The following CHCHD7 variants were observed in gnomAD, a reference collection of about 807,000 sequenced individuals.
CHCHD7 encodes the protein coiled-coil-helix-coiled-coil-helix domain containing 7, also known as coiled-coil-helix-coiled-coil-helix domain-containing protein 7.
Under a neutral mutation model 10.5 loss-of-function variants are expected in CHCHD7, and 7 were observed. The observed-to-expected ratio is 0.67, with a 90% CI of 0.38 to 1.25. The LOEUF is 1.25. CHCHD7 is among the 50% of genes most tolerant of loss of function. The pLI is 0.02. For synonymous variants in CHCHD7, 40 were observed against 36.0 expected, an observed-to-expected ratio of 1.11 and a Z score of -0.40; for missense variants, 100 against 104.5, an observed-to-expected ratio of 0.96 and a Z score of 0.19.
At chr8:56,212,189 G>A (rs1411196114) in intron 1 of CHCHD7, 2 of 152,942 alleles carry the variant, frequency 1.3e-5, no homozygotes, top group Non-Finnish European at 2.9e-5. Context: ...GTTCACCTGT[G>A]CGCGCCGTCC....
rs534039869 is a variant in CHCHD7, at chr8:56,218,519, ACTGT to A, written c.*1092_*1095del. On this transcript the variant is annotated 3_prime_UTR_variant, in exon 4 of 4. Transcript: ENST00000355315. The stretch of plus-strand genomic sequence containing the variant: ...TTGTTTTAATGGCTGCCGACAATGA[ACTGT>A]CTGTCTGAGTCTAAAACCAAGCTCA... The A allele has an allele frequency of 1.2e-3, 267 of 213,720 alleles. 2 individuals are homozygous for A. Among genetic ancestry groups the A allele is most frequent in the African/African-American group, 5.5e-3 (244 of 44,282 alleles). The allele number at this position is 213,720 out of a possible 1,614,324, so 13.2% of individuals were successfully genotyped here. A position where few individuals can be genotyped will look rare whatever the true frequency, so the allele number is the denominator to read the frequency against.
chr8:56,212,838 GAAGGAA>G, intron 1 of CHCHD7: 1 of 1,596,384 alleles, frequency 6.3e-7, no homozygotes. Flanking sequence ...TTAGAATCCG[GAAGGAA>G]AAGGAAATGA....
chr8:56,216,195 T>C (rs138826942), intron 2 of CHCHD7, among the ~76,000 whole-genome samples: 1,894 of 152,364 alleles, frequency 0.012, 14 homozygotes, highest in Non-Finnish European at 0.019. Flanking sequence ...CTCAAATTCC[T>C]GTGATCACAT....
intron 1 of CHCHD7, 97 bp downstream of exon 1, chr8:56,211,934 G>A (rs1486527572): frequency 1.3e-5 from 2 of 152,628 alleles, no homozygotes; most frequent in East Asian, 3.9e-4. Context: ...GCACTTCTGC[G>A]GCGCGGAGGC....
rs1357832198 is a variant in CHCHD7, at chr8:56,217,381, T to C, written c.204T>C (p.Pro68=). The change falls in exon 4 of 4, where the codon CCT becomes CCC. Residue 68 remains proline, a synonymous_variant. Transcript: ENST00000355315. ...AGAACGGAGTGAAGCCATTTATGCC[T>C]ACGGCAGCAGAAAGAGATGAAATCT... ...RRKNGVKPFM[P]TAAERDEILR... 1 of 1,612,624 alleles carries C rather than the reference T, an allele frequency of 6.2e-7. No individual in the cohort carries two copies. Among genetic ancestry groups the C allele is most frequent in the Non-Finnish European group, 8.5e-7 (1 of 1,178,720 alleles).
At chr8:56,217,201 T>A in intron 3 of CHCHD7, 130 bp from the exon 4 acceptor site, 2 of 571,412 alleles carry the variant, frequency 3.5e-6, no homozygotes, top group South Asian at 4.3e-5. Context: ...TTGGGATTTT[T>A]TTTTTAAAAA....
Position 56,217,699 on chromosome 8 carries a change from T to G in CHCHD7, c.*264T>G. The G allele has an allele frequency of 3.0e-6, 1 of 336,476 alleles. No homozygotes were observed. Among genetic ancestry groups the G allele is most frequent in the South Asian group, 5.0e-5 (1 of 20,024 alleles). The allele number at this position is 336,476 out of a possible 1,614,324, so 20.8% of individuals were successfully genotyped here. The stretch of plus-strand genomic sequence containing the variant: ...TAAGGCTACATGAGAAATTGAGCTT[T>G]TCCACTGGGTTTTGAAAGAAGAGTA... On this transcript the variant is annotated 3_prime_UTR_variant, in exon 4 of 4. Transcript: ENST00000355315.
At chr8:56,213,016 GATT>G in intron 1 of CHCHD7, 1 of 679,850 alleles carries the variant, frequency 1.5e-6, no homozygotes, top group Non-Finnish European at 2.6e-6. Context: ...TCCTTGTTGA[GATT>G]ATTAAATCTA....
At position 56,217,419 on chromosome 8, in the gene CHCHD7, G is replaced by T; in HGVS notation, c.242G>T (p.Gly81Val). The change falls in exon 4 of 4, where the codon GGA becomes GTA. Residue 81 changes from glycine to valine, a missense_variant. Physicochemically the swap from Gly to Val is moderately radical, Grantham distance 109. Coordinates refer to ENST00000355315, the MANE Select transcript of CHCHD7 (RefSeq NM_001011671.3). ...AERDEILRAV[G>V]NMPY is the part of the protein sequence containing the mutation. ...AGAGATGAAATCTTGAGAGCAGTGG[G>T]AAATATGCCCTATTGAATGTTTGCA... The T allele has an allele frequency of 6.3e-7, 1 of 1,588,610 alleles. No homozygotes were observed. The highest frequency in any genetic ancestry group is 1.1e-5 in the South Asian group (1 of 90,536).
In CHCHD7 at chr8:56,212,924, G is replaced by T. The variant is rs751959418; in HGVS notation, c.-17+1087G>T. ...ATGTTACCTAGGTATTATTTTTGAA[G>T]AATTTCTGACTGACAATAAAATATA... is the stretch of plus-strand genomic sequence containing the variant. On this transcript the variant is annotated intron_variant, in intron 1 of 3. Coordinates refer to ENST00000355315, the MANE Select transcript of CHCHD7 (RefSeq NM_001011671.3). 105 of 1,541,226 alleles carry T rather than the reference G, an allele frequency of 6.8e-5. 1 individual carries two copies. Among genetic ancestry groups the T allele is most frequent in the Non-Finnish European group, 9.1e-5 (102 of 1,115,538 alleles).
chr8:56,215,806 C>G (rs1354992238), intron 2 of CHCHD7, among the ~76,000 whole-genome samples: 1 of 152,108 alleles, frequency 6.6e-6, no homozygotes, highest in African/African-American at 2.4e-5. Context: ...AAATTTAATC[C>G]CCATGTGGCA....
intron 1 of CHCHD7, chr8:56,214,362 C>T (rs1406307579): frequency 5.9e-6 from 2 of 341,684 alleles, no homozygotes; most frequent in Non-Finnish European, 1.1e-5. Context: ...TGAGACACCG[C>T]ACCCAGCCAG....
chr8:56,216,343 T>G (rs757187089), intron 2 of CHCHD7, 90 bp from the exon 3 acceptor site: 2 of 1,563,142 alleles, frequency 1.3e-6, no homozygotes, highest in African/African-American at 2.8e-5. Context: ...TCACATTATT[T>G]GCTTCTGGGG....
chr8:56,216,022 C>T (rs1813324382), intron 2 of CHCHD7, among the ~76,000 whole-genome samples: 1 of 152,198 alleles, frequency 6.6e-6, no homozygotes, highest in African/African-American at 2.4e-5. Flanking sequence ...ATATTATGAT[C>T]AAACATTGAA....
rs7826445 is a variant in CHCHD7, at chr8:56,218,387, T to C, written c.*952T>C. 0.048 allele frequency: 10,720 copies of C among 224,730 alleles called. 1,131 individuals are homozygous for C. The highest frequency in any genetic ancestry group is 0.22 in the African/African-American group (9,925 of 44,874). The allele number at this position is 224,730 out of a possible 1,614,324, so 13.9% of individuals were successfully genotyped here. A position where few individuals can be genotyped will look rare whatever the true frequency, so the allele number is the denominator to read the frequency against. Reference sequence around the variant, plus strand: ...CACTGCCTTTTAGAATCGTTTGTTTTATTCATGGTAGTTTTATGAAGACAT... The same window carrying C: ...CACTGCCTTTTAGAATCGTTTGTTTCATTCATGGTAGTTTTATGAAGACAT... On this transcript the variant is annotated 3_prime_UTR_variant, in exon 4 of 4. Transcript: ENST00000355315.
chr8:56,216,492 CACTT>C lies in CHCHD7; in HGVS notation c.119_122del (p.Tyr40SerfsTer2). 2 of 1,614,138 alleles carry C rather than the reference CACTT, an allele frequency of 1.2e-6. No homozygotes were observed. Among genetic ancestry groups the C allele is most frequent in the South Asian group, 1.1e-5 (1 of 91,078 alleles). Reference sequence around the variant, plus strand: ...ATAACTATGACAGGGAAAGGTGTTCCACTTACTTCTTGAGGTACAAAAACTGCCG... The same window carrying C: ...ATAACTATGACAGGGAAAGGTGTTCCACTTCTTGAGGTACAAAAACTGCCG... On this transcript the variant is annotated frameshift_variant, in exon 3 of 4. Coordinates refer to ENST00000355315, the MANE Select transcript of CHCHD7 (RefSeq NM_001011671.3). LOFTEE classifies it high-confidence loss of function.
intron 3 of CHCHD7, chr8:56,216,821 T>G: frequency 3.0e-6 from 2 of 674,372 alleles, no homozygotes; most frequent in South Asian, 3.1e-5. Context: ...AATTTAGTTT[T>G]CCTGGAGATG....
At chr8:56,212,617 G>A (rs1051400210) in intron 1 of CHCHD7, 1 of 433,360 alleles carries the variant, frequency 2.3e-6, no homozygotes, top group Admixed American at 4.0e-5. Flanking sequence ...TTTTCTTTCT[G>A]GTTATGCTCT....
Position 56,216,512 on chromosome 8 carries a change from A to C in CHCHD7, c.134A>C (p.Lys45Thr). 6.2e-7 allele frequency: 1 copy of C among 1,614,194 alleles called. No individual in the cohort carries two copies. The highest frequency in any genetic ancestry group is 1.1e-5 in the South Asian group (1 of 91,088). Residue 45 changes from lysine to threonine, a missense_variant, in exon 3 of 4, where the codon AAA becomes ACA. Lys to Thr is a moderately conservative substitution (Grantham distance 78, BLOSUM62 -1). Coordinates refer to ENST00000355315, the MANE Select transcript of CHCHD7 (RefSeq NM_001011671.3). ...TGTTCCACTTACTTCTTGAGGTACA[A>C]AAACTGCCGGAGATTCTGGGTAAGC... is the stretch of plus-strand genomic sequence containing the variant. ...ERCSTYFLRY[K>T]NCRRFWNSIV...
Sources: allele counts gnomAD v4.1 joint callset (sites outside exome capture counted in the v4.1 genomes callset), GRCh38; gene constraint gnomAD v4.1.1; transcripts MANE v1.5; gene names NCBI Gene and HGNC (gene_info 2026-07-23, HGNC 2026-07-21).